The following RBFOX1 variants were observed in gnomAD, a reference collection of about 807,000 sequenced individuals.
RBFOX1 encodes RNA binding fox-1 homolog 1.
A neutral mutation model predicts 57.7 loss-of-function variants in RBFOX1; 8 were observed. The observed-to-expected ratio is 0.14, with a 90% confidence interval of 0.08 to 0.25. RBFOX1 has a LOEUF of 0.25. Among genes scored for constraint, RBFOX1 ranks in the 10% least tolerant of loss-of-function variants. The probability of loss-of-function intolerance (pLI) is 1.00; values close to 1 mark genes in which losing one functional copy is unlikely to be tolerated. For synonymous variants in RBFOX1, 326 were observed against 222.4 expected (o/e 1.47, Z -4.15); for missense variants, 611 against 548.5 (o/e 1.11, Z -1.14).
At chr16:6,364,374 C>G (rs1341800282) in intron 2 of RBFOX1, among the ~76,000 whole-genome samples, 1 of 152,130 alleles carries the variant, frequency 6.6e-6, no homozygotes, top group Non-Finnish European at 1.5e-5. Context: ...CTTTCTTTCT[C>G]ATCTTCCCTC....
At chr16:5,989,798 C>G (rs994355808) in intron 4 of RBFOX1, among the ~76,000 whole-genome samples, 1 of 148,062 alleles carries the variant, frequency 6.8e-6, no homozygotes, top group Non-Finnish European at 1.5e-5. Flanking sequence ...GAGGTTGACA[C>G]CCACCGAACT....
intron 4 of RBFOX1, among the ~76,000 whole-genome samples, chr16:7,183,749 AT>A (rs1307584831): frequency 1.3e-5 from 2 of 152,182 alleles, no homozygotes; most frequent in Non-Finnish European, 2.9e-5. Flanking sequence ...TCAGAACAAA[AT>A]TGATAAAGCT....
At chr16:7,545,024 G>A (rs1052635897) in intron 5 of RBFOX1, among the ~76,000 whole-genome samples, 2 of 152,200 alleles carry the variant, frequency 1.3e-5, no homozygotes, top group African/African-American at 4.8e-5. Flanking sequence ...AAGCCGAGCA[G>A]TACAGTGAAA....
intron 1 of RBFOX1, among the ~76,000 whole-genome samples, chr16:6,187,210 G>A (rs1169049692): frequency 6.6e-6 from 1 of 152,122 alleles, no homozygotes; most frequent in Admixed American, 6.5e-5. Flanking sequence ...CCCTTTGGAT[G>A]ACCTGTATCA....
chr16:6,658,871 GT>G (rs2154095270), intron 3 of RBFOX1, among the ~76,000 whole-genome samples: 1 of 151,820 alleles, frequency 6.6e-6, no homozygotes, highest in South Asian at 2.1e-4. Context: ...GGATGGTGGA[GT>G]TTTTCACCCT....
intron 3 of RBFOX1, chr16:6,983,876 T>C (rs2089601022): frequency 6.6e-6 from 1 of 152,516 alleles, no homozygotes; most frequent in South Asian, 2.1e-4. Context: ...GAGAGTGCTC[T>C]TGGACAAGGT....
intron 1 of RBFOX1, among the ~76,000 whole-genome samples, chr16:5,451,352 C>G (rs999657060): frequency 6.6e-6 from 1 of 152,192 alleles, no homozygotes; most frequent in Non-Finnish European, 1.5e-5. Context: ...ATAATCTCCA[C>G]TGTGGCGAAA....
At chr16:6,925,483 G>A (rs1336811707) in intron 3 of RBFOX1, among the ~76,000 whole-genome samples, 3 of 101,320 alleles carry the variant, frequency 3.0e-5, no homozygotes, top group Non-Finnish European at 4.2e-5. Context: ...TTTATTTATT[G>A]TCCTATCCAC....
intron 3 of RBFOX1, among the ~76,000 whole-genome samples, chr16:5,861,569 T>C (rs552392197): frequency 1.7e-4 from 26 of 152,254 alleles, no homozygotes; most frequent in Non-Finnish European, 3.4e-4. Context: ...TGTGTTGGGC[T>C]GTTATGCATT....
intron 4 of RBFOX1, among the ~76,000 whole-genome samples, chr16:7,099,762 A>G (rs191199573): frequency 1.4e-4 from 22 of 152,302 alleles, no homozygotes; most frequent in Admixed American, 6.5e-4. Flanking sequence ...GTAGATTTAC[A>G]CATATTCTGA....
chr16:6,495,157 C>T (rs991799513), intron 2 of RBFOX1, among the ~76,000 whole-genome samples: 2 of 152,150 alleles, frequency 1.3e-5, no homozygotes, highest in African/African-American at 4.8e-5. Flanking sequence ...TTCACTCTTT[C>T]ACCCATGCGG....
intron 1 of RBFOX1, among the ~76,000 whole-genome samples, chr16:6,169,908 G>A (rs1396577615): frequency 6.6e-6 from 1 of 152,170 alleles, no homozygotes; most frequent in Non-Finnish European, 1.5e-5. Flanking sequence ...GGGATTACAG[G>A]CATGCGCCAC....
intron 4 of RBFOX1, among the ~76,000 whole-genome samples, chr16:7,337,600 G>A (rs967725653): frequency 1.6e-4 from 25 of 152,266 alleles, no homozygotes; most frequent in African/African-American, 4.1e-4. Context: ...TAAGCACTGC[G>A]TCTCTGCAAG....
intron 2 of RBFOX1, among the ~76,000 whole-genome samples, chr16:6,599,043 G>T (rs1041579308): frequency 6.6e-6 from 1 of 152,116 alleles, no homozygotes; most frequent in Non-Finnish European, 1.5e-5. Context: ...TGTGAATAAT[G>T]GTTTTCTCTG....
chr16:7,457,831 G>C lies in RBFOX1; in HGVS notation c.28-60316G>C, dbSNP rs193054139. On this transcript the variant is annotated intron_variant, in intron 4 of 15. Transcript: ENST00000550418. ...CCAAAGTTGTCTTAAAAAAAAAATA[G>C]CATCTTTGATATGATCCACTTGGCC... 3.9e-5 allele frequency among the ~76,000 whole-genome samples: 6 copies of C among 151,986 alleles called. No homozygotes were observed. The East Asian group carries it at 7.8e-4, about 20-fold the overall frequency.
chr16:5,466,515 C>G (rs961933629), intron 1 of RBFOX1, among the ~76,000 whole-genome samples: 2 of 152,192 alleles, frequency 1.3e-5, no homozygotes, highest in African/African-American at 4.8e-5. Flanking sequence ...AGGTCTTCCT[C>G]AAGGCAGCTA....
At chr16:6,012,059 C>A (rs973223692) in intron 4 of RBFOX1, among the ~76,000 whole-genome samples, 2 of 152,198 alleles carry the variant, frequency 1.3e-5, no homozygotes, top group Non-Finnish European at 2.9e-5. Flanking sequence ...CCAGGCACAA[C>A]GGTGAGAAAT....
chr16:6,597,630 C>T (rs576488202), intron 2 of RBFOX1, among the ~76,000 whole-genome samples: 10 of 152,048 alleles, frequency 6.6e-5, no homozygotes, highest in African/African-American at 1.9e-4. Flanking sequence ...GCTGAGATAG[C>T]ACCATTGCAC....
At chr16:7,395,996 A>T (rs1229538981) in intron 4 of RBFOX1, among the ~76,000 whole-genome samples, 4 of 152,146 alleles carry the variant, frequency 2.6e-5, no homozygotes, top group Non-Finnish European at 4.4e-5. Context: ...AGGGCTTGGC[A>T]AGGAGGGGAG....
Sources: gnomAD v4.1 joint callset for allele counts (sites outside exome capture counted in the v4.1 genomes callset) on GRCh38, gnomAD v4.1.1 for gene constraint, MANE v1.5 for transcripts, NCBI Gene and HGNC (gene_info 2026-07-23, HGNC 2026-07-21) for gene names.